The following DACH2 variants were observed in gnomAD, a reference collection of about 807,000 sequenced individuals.
The protein encoded by DACH2 is dachshund family transcription factor 2.
Under a neutral mutation model 35.8 loss-of-function variants are expected in DACH2, and 17 were observed. The ratio of observed to expected loss-of-function variants is 0.48; its 90% confidence interval spans 0.33 to 0.71. DACH2 has a LOEUF of 0.71. DACH2 is among the 30% of genes least tolerant of loss of function. The pLI is 0.02. For missense variants in DACH2, 469 were observed against 472.7 expected, an observed-to-expected ratio of 0.99 and a Z score of 0.07; for synonymous variants, 195 against 177.3, an observed-to-expected ratio of 1.10 and a Z score of -0.79.
At chrX:86,535,779 G>A (rs921095895) in intron 3 of DACH2, among the ~76,000 whole-genome samples, 1 of 110,671 alleles carries the variant, frequency 9.0e-6, no homozygotes, top group Non-Finnish European at 1.9e-5. Flanking sequence ...AAGGGGTCCC[G>A]AGCAGGTAGC....
At chrX:86,619,388 A>G (rs955274430) in intron 3 of DACH2, among the ~76,000 whole-genome samples, 4 of 112,216 alleles carry the variant, frequency 3.6e-5, no homozygotes, top group South Asian at 3.7e-4. Flanking sequence ...CTGAAGCCAG[A>G]AAAAACAAAT....
chrX:86,320,250 GA>G (rs2034990938), intron 1 of DACH2, among the ~76,000 whole-genome samples: 1 of 112,253 alleles, frequency 8.9e-6, no homozygotes, highest in South Asian at 3.6e-4. Context: ...TCTATGAAGA[GA>G]AAAACATAAA....
intron 3 of DACH2, among the ~76,000 whole-genome samples, chrX:86,623,579 A>G (rs1005331087): frequency 1.8e-5 from 2 of 111,942 alleles, no homozygotes; most frequent in Non-Finnish European, 3.8e-5. Flanking sequence ...TTTATTCTAC[A>G]GGAAGTATCA....
chrX:86,687,947 C>T (rs59950084), intron 4 of DACH2, among the ~76,000 whole-genome samples: 26,350 of 109,649 alleles, frequency 0.24, 2,606 homozygotes, highest in Admixed American at 0.46. Context: ...ATGTAGGTGA[C>T]GGGTTGATAG....
intron 1 of DACH2, among the ~76,000 whole-genome samples, chrX:86,154,387 G>A (rs2030471364): frequency 9.0e-6 from 1 of 111,308 alleles, no homozygotes; most frequent in African/African-American, 3.3e-5. Flanking sequence ...AGGTATTAAT[G>A]ATATTCTTGT....
At chrX:86,613,498 T>C (rs1474838409) in intron 3 of DACH2, among the ~76,000 whole-genome samples, 2 of 111,950 alleles carry the variant, frequency 1.8e-5, no homozygotes, top group Non-Finnish European at 3.8e-5. Context: ...AAACCAATTA[T>C]AAATTTTTTT....
chrX:86,537,199 C>T (rs1358946434), intron 3 of DACH2, among the ~76,000 whole-genome samples: 2 of 111,667 alleles, frequency 1.8e-5, no homozygotes, highest in Middle Eastern at 4.7e-3. Context: ...CACCCTTGGA[C>T]CCACATGAGC....
intron 2 of DACH2, among the ~76,000 whole-genome samples, chrX:86,450,194 A>C (rs2037348146): frequency 9.0e-6 from 1 of 110,597 alleles, no homozygotes; most frequent in Admixed American, 9.7e-5. Flanking sequence ...CCTGACATTC[A>C]TTAGCTGTTC....
At chrX:86,301,881 G>T (rs17325410) in intron 1 of DACH2, among the ~76,000 whole-genome samples, 6,425 of 111,164 alleles carry the variant, frequency 0.058, 190 homozygotes, top group East Asian at 0.22. Flanking sequence ...GGAGTCCAGT[G>T]TATCCATACT....
At chrX:86,462,209 A>G (rs1039942978) in intron 2 of DACH2, among the ~76,000 whole-genome samples, 2 of 111,922 alleles carry the variant, frequency 1.8e-5, no homozygotes, top group African/African-American at 6.5e-5. Context: ...TACAAATATC[A>G]TATAAGAACA....
At chrX:86,822,500 G>A (rs1439177229) in intron 11 of DACH2, among the ~76,000 whole-genome samples, 1 of 112,056 alleles carries the variant, frequency 8.9e-6, no homozygotes, top group Non-Finnish European at 1.9e-5. Flanking sequence ...AATAACCTAA[G>A]TTAATTTGCT....
chrX:86,223,599 T>A (rs749599839), intron 1 of DACH2, among the ~76,000 whole-genome samples: 2 of 111,925 alleles, frequency 1.8e-5, no homozygotes, highest in East Asian at 5.6e-4. Flanking sequence ...TCATAATTTA[T>A]TTGGTGCTAG....
chrX:86,233,234 T>C (rs1285454411), intron 1 of DACH2, among the ~76,000 whole-genome samples: 1 of 111,253 alleles, frequency 9.0e-6, no homozygotes, highest in East Asian at 2.8e-4. Flanking sequence ...AAATAACTAA[T>C]GGATACTAGG....
At chrX:86,557,380 C>A (rs1033792614) in intron 3 of DACH2, among the ~76,000 whole-genome samples, 2 of 109,877 alleles carry the variant, frequency 1.8e-5, no homozygotes, top group Non-Finnish European at 3.8e-5. Context: ...TAGTGTGATG[C>A]CTCCAGCTTT....
intron 2 of DACH2, among the ~76,000 whole-genome samples, chrX:86,418,882 G>A (rs1023382256): frequency 9.0e-6 from 1 of 111,546 alleles, no homozygotes; most frequent in Non-Finnish European, 1.9e-5. Flanking sequence ...CATTAACAGC[G>A]CCCAAGTCAC....
At chrX:86,301,880 T>G (rs773017708) in intron 1 of DACH2, among the ~76,000 whole-genome samples, 20 of 111,702 alleles carry the variant, frequency 1.8e-4, no homozygotes, top group Middle Eastern at 9.2e-3. Context: ...GGGAGTCCAG[T>G]GTATCCATAC....
At chrX:86,795,869 G>A (rs2042231830) in intron 7 of DACH2, among the ~76,000 whole-genome samples, 1 of 88,677 alleles carries the variant, frequency 1.1e-5, no homozygotes, top group African/African-American at 3.7e-5. Flanking sequence ...TGTTCCTCCC[G>A]GTGGGTTCGT....
chrX:86,662,904 G>A (rs946382314), intron 4 of DACH2, among the ~76,000 whole-genome samples: 2 of 110,951 alleles, frequency 1.8e-5, no homozygotes, highest in Non-Finnish European at 3.8e-5. Context: ...ATATTTATGC[G>A]CTATACACAT....
At chrX:86,215,472 A>G (rs973310078) in intron 1 of DACH2, among the ~76,000 whole-genome samples, 6 of 112,047 alleles carry the variant, frequency 5.4e-5, no homozygotes, top group Non-Finnish European at 9.4e-5. Context: ...ATATACATAG[A>G]CTTTTATAAA....
Sources: gnomAD v4.1 joint callset for allele counts (sites outside exome capture counted in the v4.1 genomes callset) on GRCh38, gnomAD v4.1.1 for gene constraint, MANE v1.5 for transcripts, NCBI Gene and HGNC (gene_info 2026-07-23, HGNC 2026-07-21) for gene names.